EPHA4: variants seen among roughly 807,000 people sequenced by gnomAD.
EPHA4 encodes ephrin type-A receptor 4.
EPHA4 carries 19 observed loss-of-function variants against 108.3 expected under a neutral mutation model. The observed-to-expected ratio is 0.18, with a 90% CI of 0.12 to 0.26. The LOEUF is 0.26. Ranked by LOEUF, EPHA4 falls within the 10% of genes least tolerant of loss-of-function variation. The pLI, the probability that EPHA4 is intolerant of heterozygous loss-of-function variation, is 1.00. For missense variants in EPHA4, 917 were observed against 1,254.0 expected, an observed-to-expected ratio of 0.73 and a Z score of 4.06; for synonymous variants, 449 against 455.5, an observed-to-expected ratio of 0.99 and a Z score of 0.18.
intron 5 of EPHA4, among the ~76,000 whole-genome samples, chr2:221,475,405 G>A (rs1691624445): frequency 6.6e-6 from 1 of 152,012 alleles, no homozygotes; most frequent in African/African-American, 2.4e-5. Flanking sequence ...TACAAAATAA[G>A]GTGTCTTGAA....
intron 5 of EPHA4, among the ~76,000 whole-genome samples, chr2:221,481,117 G>T (rs1348531369): frequency 1.3e-5 from 2 of 152,128 alleles, no homozygotes; most frequent in East Asian, 1.9e-4. Flanking sequence ...CTCCTGGAGG[G>T]GTGGTAACTT....
At chr2:221,449,449 G>C (rs1180305778) in intron 8 of EPHA4, among the ~76,000 whole-genome samples, 1 of 152,194 alleles carries the variant, frequency 6.6e-6, no homozygotes, top group Non-Finnish European at 1.5e-5. Context: ...ATGTGGACAA[G>C]CTGATTAAAA....
At chr2:221,459,003 GT>G (rs144489678) in intron 5 of EPHA4, among the ~76,000 whole-genome samples, 1,002 of 152,296 alleles carry the variant, frequency 6.6e-3, no homozygotes, top group Non-Finnish European at 8.6e-3. Context: ...GGATAAATTA[GT>G]GCTGGGTCAT....
intron 4 of EPHA4, among the ~76,000 whole-genome samples, chr2:221,482,914 C>A (rs967121893): frequency 4.6e-5 from 7 of 152,182 alleles, no homozygotes; most frequent in Non-Finnish European, 8.8e-5. Flanking sequence ...AACAAGGCAT[C>A]GGTTGTCACT....
At chr2:221,566,787 G>T (rs66502809) in intron 2 of EPHA4, among the ~76,000 whole-genome samples, 16,875 of 144,428 alleles carry the variant, frequency 0.12, 1,214 homozygotes, top group Non-Finnish European at 0.13. Flanking sequence ...AGAAGAAGAA[G>T]GAGAAGAAGA....
chr2:221,542,965 C>G (rs1043558525), intron 3 of EPHA4, among the ~76,000 whole-genome samples: 1 of 152,162 alleles, frequency 6.6e-6, no homozygotes, highest in Non-Finnish European at 1.5e-5. Flanking sequence ...CTTTGGAGTT[C>G]ATTTCATTAA....
At chr2:221,440,866 G>A (rs1451287713) in intron 11 of EPHA4, among the ~76,000 whole-genome samples, 2 of 152,156 alleles carry the variant, frequency 1.3e-5, no homozygotes, top group African/African-American at 4.8e-5. Flanking sequence ...AGCAGCAGAG[G>A]TGGTATGCGG....
At chr2:221,473,541 G>A (rs1019324548) in intron 5 of EPHA4, among the ~76,000 whole-genome samples, 4 of 118,198 alleles carry the variant, frequency 3.4e-5, no homozygotes, top group Non-Finnish European at 6.7e-5. Context: ...GGGTTTTCAA[G>A]GTGTTTAAAG....
intron 5 of EPHA4, 52 bp from the exon 6 acceptor site, chr2:221,458,042 GT>G: frequency 6.3e-7 from 1 of 1,584,010 alleles, no homozygotes; most frequent in Non-Finnish European, 8.6e-7. Context: ...AAAATAAATG[GT>G]TTTGGTGGTA....
intron 2 of EPHA4, among the ~76,000 whole-genome samples, chr2:221,567,936 T>C (rs1483698364): frequency 6.6e-6 from 1 of 152,260 alleles, no homozygotes; most frequent in Non-Finnish European, 1.5e-5. Context: ...AGAAGTCAGT[T>C]ACATGTTGTA....
At chr2:221,573,675 C>T (rs1437577938), upstream of EPHA4, 1 of 152,202 alleles carries the variant, frequency 6.6e-6, no homozygotes, top group African/African-American at 2.4e-5. The surrounding 1 kb of genome is among the most constrained non-coding windows in gnomAD (Gnocchi z 4.5). Flanking sequence ...GGCCGCAGCT[C>T]ATCGTGAGCC....
chr2:221,437,193 G>C, intron 11 of EPHA4, 71 bp from the exon 12 acceptor site: 1 of 1,140,584 alleles, frequency 8.8e-7, no homozygotes. Context: ...AATGGGCTGC[G>C]CACAATTTTA....
intron 4 of EPHA4, among the ~76,000 whole-genome samples, chr2:221,490,995 T>C (rs1692126195): frequency 6.6e-6 from 1 of 152,186 alleles, no homozygotes. Context: ...ACCAGAACCT[T>C]TTGGATGCAT....
intron 11 of EPHA4, among the ~76,000 whole-genome samples, chr2:221,441,653 A>G (rs1450673512): frequency 1.3e-5 from 2 of 152,168 alleles, no homozygotes; most frequent in Non-Finnish European, 2.9e-5. Context: ...AACTGCTAAA[A>G]GAGCATTATT....
intron 5 of EPHA4, among the ~76,000 whole-genome samples, chr2:221,473,147 G>A (rs1023383822): frequency 2.6e-5 from 4 of 152,148 alleles, no homozygotes; most frequent in Non-Finnish European, 1.5e-5. Flanking sequence ...AGGGGAGCCT[G>A]GGGAACCTCT....
chr2:221,453,367 T>C (rs1460583169), intron 8 of EPHA4, among the ~76,000 whole-genome samples: 1 of 152,222 alleles, frequency 6.6e-6, no homozygotes, highest in Non-Finnish European at 1.5e-5. Flanking sequence ...AAAAAGCACA[T>C]ATAATTCCTA....
intron 3 of EPHA4, among the ~76,000 whole-genome samples, chr2:221,556,784 ATTT>A (rs1287586785): frequency 6.6e-6 from 1 of 152,048 alleles, no homozygotes; most frequent in Non-Finnish European, 1.5e-5. Flanking sequence ...TATTCACATA[ATTT>A]TTATTAAGAT....
chr2:221,473,161 A>T (rs1165292563), intron 5 of EPHA4, among the ~76,000 whole-genome samples: 4 of 152,110 alleles, frequency 2.6e-5, no homozygotes, highest in Non-Finnish European at 2.9e-5. Context: ...AACCTCTTTC[A>T]TTTCTAATTT....
chr2:221,512,461 C>A (rs1172131122), intron 3 of EPHA4, among the ~76,000 whole-genome samples: 1 of 152,206 alleles, frequency 6.6e-6, no homozygotes, highest in East Asian at 1.9e-4. Flanking sequence ...TCAGGAGACA[C>A]TAACACCTAA....
Sources: allele counts gnomAD v4.1 joint callset (sites outside exome capture counted in the v4.1 genomes callset), GRCh38; gene constraint gnomAD v4.1.1; non-coding constraint Gnocchi (gnomAD v3.1); transcripts MANE v1.5; gene names NCBI Gene and HGNC (gene_info 2026-07-23, HGNC 2026-07-21).